MYO5A: variants seen among roughly 807,000 people sequenced by gnomAD.
MYO5A encodes the protein unconventional myosin-Va.
A neutral mutation model predicts 249.7 loss-of-function variants in MYO5A; 98 were observed. The ratio of observed to expected loss-of-function variants is 0.39; its 90% CI spans 0.33 to 0.46. The LOEUF (loss-of-function observed/expected upper bound fraction) is 0.46. Ranked by LOEUF, MYO5A falls within the 20% of genes least tolerant of loss-of-function variation. The pLI, the probability that MYO5A is intolerant of heterozygous loss-of-function variation, is 0.98. For missense variants in MYO5A, 1,696 were observed against 2,308.8 expected, an observed-to-expected ratio of 0.73 and a Z score of 5.44; for synonymous variants, 778 against 810.6, an observed-to-expected ratio of 0.96 and a Z score of 0.68.
chr15:52,374,598 G>A (rs2041303481), intron 20 of MYO5A, among the ~76,000 whole-genome samples: 1 of 152,232 alleles, frequency 6.6e-6, no homozygotes, highest in Non-Finnish European at 1.5e-5. Context: ...GAGAAGTCAA[G>A]TCAGATACAC....
At position 52,397,289 on chromosome 15, in the gene MYO5A, G is replaced by T. The variant is rs749474789; in HGVS notation, c.1231C>A (p.Leu411Ile). The change falls in exon 10 of 42, where the codon CTC becomes ATC. Residue 411 changes from leucine (L) to isoleucine (I), a missense_variant. Physicochemically the swap from Leu to Ile is conservative, Grantham distance 5 (BLOSUM62 2). Around this residue, in one of 5 missense-constraint regions of MYO5A, gnomAD observed 185 missense variants for 204.8 expected, o/e 0.90. Coordinates refer to ENST00000399233, the MANE Select transcript of MYO5A (RefSeq NM_001382347.1). ...DALAKHIYAK[L>I]FNWIVDNVNQ... Reference sequence around the variant, plus strand: ...ACATTATCTACAATCCAGTTAAAGAGCTTGGCATAGATGTGCTTGGCCAAA... The same window carrying T: ...ACATTATCTACAATCCAGTTAAAGATCTTGGCATAGATGTGCTTGGCCAAA... The T allele has an allele frequency of 3.7e-5, 59 of 1,614,140 alleles. 2 individuals are homozygous for T. The South Asian group carries it at 6.3e-4, about 17-fold the overall frequency.
intron 1 of MYO5A, among the ~76,000 whole-genome samples, chr15:52,443,985 A>G (rs887120151): frequency 3.3e-5 from 5 of 150,666 alleles, no homozygotes; most frequent in African/African-American, 7.3e-5. Context: ...TCTGTCTCCA[A>G]AAAAAAAAGG....
intron 1 of MYO5A, among the ~76,000 whole-genome samples, chr15:52,472,245 A>AT (rs1035211144): frequency 2.0e-5 from 3 of 151,846 alleles, no homozygotes; most frequent in Admixed American, 6.6e-5. Context: ...CGCCCGGCTA[A>AT]TTTTTTTGTA....
intron 2 of MYO5A, among the ~76,000 whole-genome samples, chr15:52,431,740 C>A (rs2075543580): frequency 6.7e-6 from 1 of 150,076 alleles, no homozygotes; most frequent in African/African-American, 2.4e-5. Context: ...AATCCCAGCA[C>A]TTCAGGAGAC....
Position 52,372,132 on chromosome 15 carries a change from C to T in MYO5A, c.2809G>A (p.Asp937Asn). ...NKIMQLQRKVDEQNKDYKCLV... is the reference protein window; with the variant it reads ...NKIMQLQRKVNEQNKDYKCLV... ...CCCTTTGTGAAACACACCTGCTCAT[C>T]AACTTTGCGCTGCAGCTGCATGATC... The change falls in exon 21 of 42, where the codon GAT (aspartate) becomes AAT (asparagine). Residue 937 changes from aspartate to asparagine, a missense_variant. Around this residue, in one of 5 missense-constraint regions of MYO5A, gnomAD observed 412 missense variants for 453.3 expected, o/e 0.91. Transcript: ENST00000399233. 6.2e-7 allele frequency: 1 copy of T among 1,613,626 alleles called. No individual in the cohort carries two copies. Among genetic ancestry groups the T allele is most frequent in the South Asian group, 1.1e-5 (1 of 91,046 alleles).
chr15:52,477,643 G>C (rs2076625157), intron 1 of MYO5A, among the ~76,000 whole-genome samples: 1 of 152,204 alleles, frequency 6.6e-6, no homozygotes, highest in Non-Finnish European at 1.5e-5. Context: ...AGGACCCTCA[G>C]CTGCAGGTCT....
At chr15:52,468,484 C>A (rs1255664450) in intron 1 of MYO5A, among the ~76,000 whole-genome samples, 2 of 151,674 alleles carry the variant, frequency 1.3e-5, no homozygotes, top group South Asian at 2.1e-4. Context: ...ACGGTGAGAC[C>A]CCGTCTCTAC....
chr15:52,518,264 C>CAAA (rs36190580), intron 1 of MYO5A, among the ~76,000 whole-genome samples: 30 of 107,762 alleles, frequency 2.8e-4, no homozygotes, highest in African/African-American at 9.7e-4. Flanking sequence ...ACCCCTCCCA[C>CAAA]AAAAAAAAAA....
chr15:52,407,214 C>A (rs1012924375), intron 8 of MYO5A, 78 bp downstream of exon 8: 1 of 1,036,038 alleles, frequency 9.7e-7, no homozygotes, highest in South Asian at 1.3e-5. Flanking sequence ...AATAAAAAGT[C>A]AAGCCAATAT....
intron 1 of MYO5A, among the ~76,000 whole-genome samples, chr15:52,528,551 G>A (rs908571633): frequency 2.0e-5 from 3 of 152,200 alleles, no homozygotes; most frequent in Non-Finnish European, 4.4e-5. Context: ...GCAGGGGCCT[G>A]GGAGACCCCC....
chr15:52,497,969 T>G (rs559028594), intron 1 of MYO5A, among the ~76,000 whole-genome samples: 2 of 152,210 alleles, frequency 1.3e-5, no homozygotes, highest in African/African-American at 4.8e-5. Flanking sequence ...GAGGGAAATT[T>G]ACATCCTTAA....
chr15:52,476,449 T>C (rs1407367318), intron 1 of MYO5A, among the ~76,000 whole-genome samples: 17 of 152,292 alleles, frequency 1.1e-4, no homozygotes, highest in Admixed American at 8.5e-4. Context: ...TGTTAGCTGG[T>C]TATTTTGCTC....
chr15:52,309,839 GGT>G lies in MYO5A; in HGVS notation c.*3855_*3856del, dbSNP rs1055059539. The G allele has an allele frequency of 1.4e-5, 2 of 146,188 alleles. No individual in the cohort carries two copies. The highest frequency in any genetic ancestry group is 3.0e-5 in the Non-Finnish European group (2 of 66,912). 9.1% of individuals were successfully genotyped at this position (146,188 alleles called of 1,614,324 possible). On this transcript the variant is annotated 3_prime_UTR_variant, in exon 42 of 42. Coordinates refer to ENST00000399233, the MANE Select transcript of MYO5A (RefSeq NM_001382347.1). ...AGGAACTCTATGAATTAGTGACGGGGGTGTGTGTGTGTGTATGTGTGTGTGTG... is the reference window on the plus strand; with the variant it reads ...AGGAACTCTATGAATTAGTGACGGGGGTGTGTGTGTGTATGTGTGTGTGTG...
At chr15:52,421,406 A>G (rs563481461) in intron 4 of MYO5A, among the ~76,000 whole-genome samples, 3 of 152,370 alleles carry the variant, frequency 2.0e-5, no homozygotes, top group African/African-American at 7.2e-5. Flanking sequence ...GACTATGATG[A>G]TAAGAACAGC....
intron 36 of MYO5A, among the ~76,000 whole-genome samples, chr15:52,326,821 G>A (rs1034205990): frequency 3.3e-5 from 5 of 152,070 alleles, no homozygotes; most frequent in African/African-American, 4.8e-5. Flanking sequence ...AAAAGCTCTC[G>A]TTAAGTTTGA....
chr15:52,492,826 T>C (rs527337702), intron 1 of MYO5A, among the ~76,000 whole-genome samples: 12 of 152,334 alleles, frequency 7.9e-5, no homozygotes, highest in Admixed American at 1.3e-4. Flanking sequence ...GTTGATACTG[T>C]TGAAGTTGGG....
chr15:52,472,239 CG>C (rs950819410), intron 1 of MYO5A, among the ~76,000 whole-genome samples: 7 of 152,018 alleles, frequency 4.6e-5, no homozygotes, highest in African/African-American at 7.2e-5. Context: ...CCACCACGCC[CG>C]GCTAATTTTT....
chr15:52,374,209 C>T (rs571576907), intron 20 of MYO5A, among the ~76,000 whole-genome samples: 17 of 152,166 alleles, frequency 1.1e-4, no homozygotes, highest in African/African-American at 4.1e-4. Context: ...CTCTGGTGAC[C>T]CCATTAATTA....
At position 52,410,471 on chromosome 15, in the gene MYO5A, A is replaced by G; in HGVS notation, c.618T>C (p.Ile206=). Residue 206 remains isoleucine (I), a synonymous_variant, in exon 6 of 42, where the codon ATT becomes ATC. Transcript: ENST00000399233. ...VLASNPIMES[I]GNAKTTRNDN... is the part of the protein sequence containing the mutation. ...CATTCCTGGTTGTTTTAGCATTTCC[A>G]ATGGACTAAAAAGCAAGGGAGAAAA... The G allele has an allele frequency of 6.2e-7, 1 of 1,612,740 alleles. No individual in the cohort carries two copies. The highest frequency in any genetic ancestry group is 1.3e-5 in the African/African-American group (1 of 75,018).
Sources: gnomAD v4.1 joint callset for allele counts (sites outside exome capture counted in the v4.1 genomes callset) on GRCh38, gnomAD v4.1.1 for gene constraint, gnomAD v4.1.1 regional missense constraint, MANE v1.5 for transcripts, NCBI Gene and HGNC (gene_info 2026-07-23, HGNC 2026-07-21) for gene names.